The following CACNA1E variants were observed in gnomAD, a reference collection of about 807,000 sequenced individuals.
The protein encoded by CACNA1E is calcium voltage-gated channel subunit alpha1 E.
Under a neutral mutation model 259.2 loss-of-function variants are expected in CACNA1E, and 40 were observed. The observed-to-expected ratio is 0.15, with a 90% CI of 0.12 to 0.20. The LOEUF (loss-of-function observed/expected upper bound fraction) is 0.20, where lower values mean the gene tolerates loss of function less well. Among genes scored for constraint, CACNA1E ranks in the 10% least tolerant of loss-of-function variants. CACNA1E has a pLI of 1.00. For missense variants in CACNA1E, 1,874 were observed against 3,040.1 expected, an observed-to-expected ratio of 0.62 and a Z score of 9.02; for synonymous variants, 1,104 against 1,138.5, an observed-to-expected ratio of 0.97 and a Z score of 0.61.
At chr1:181,725,773 G>A (rs1003571175) in intron 17 of CACNA1E, among the ~76,000 whole-genome samples, 6 of 152,242 alleles carry the variant, frequency 3.9e-5, no homozygotes, top group Non-Finnish European at 7.3e-5. Flanking sequence ...CTGAGGGCTA[G>A]GGGTTGGGGT....
intron 3 of CACNA1E, among the ~76,000 whole-genome samples, chr1:181,535,604 T>A (rs917068304): frequency 5.9e-5 from 9 of 152,188 alleles, no homozygotes; most frequent in African/African-American, 2.2e-4. Flanking sequence ...CACATATAGA[T>A]GATTACCTTT....
At chr1:181,467,494 A>T (rs1020845931) in intron 2 of CACNA1E, among the ~76,000 whole-genome samples, 22 of 152,134 alleles carry the variant, frequency 1.4e-4, no homozygotes, top group African/African-American at 5.3e-4. Context: ...AATCTAGTTG[A>T]TAAGCCTTAA....
chr1:181,679,337 A>G (rs922556643), intron 7 of CACNA1E, among the ~76,000 whole-genome samples: 5 of 152,184 alleles, frequency 3.3e-5, no homozygotes, highest in Admixed American at 3.3e-4. Flanking sequence ...ATCCCCAGTT[A>G]GTAAATTGGG....
rs147088185 is a variant in CACNA1E at position 181,377,795 on chromosome 1, A to T, written c.-14-35338A>T. Among the ~76,000 whole-genome samples the T allele has an allele frequency of 7.4e-3, 1,123 of 152,358 alleles. 9 individuals carry two copies. The highest frequency in any genetic ancestry group is 0.016 in the African/African-American group (666 of 41,586). On this transcript the variant is annotated intron_variant, in intron 1 of 11. Transcript: ENST00000524607. ...TAAAAAATGAATGCATAATGAGGTT[A>T]AATGACTTGCCCAAGATCATATAGC...
chr1:181,580,849 C>A (rs1572272749), intron 6 of CACNA1E, 73 bp downstream of exon 6: 1 of 1,414,832 alleles, frequency 7.1e-7, no homozygotes, highest in African/African-American at 1.4e-5. Flanking sequence ...GTTGTTTGGC[C>A]TGGCTAGTCC....
upstream of CACNA1E, among the ~76,000 whole-genome samples, chr1:181,479,551 C>A (rs494076): frequency 5.9e-3 from 893 of 152,252 alleles, 4 homozygotes; most frequent in African/African-American, 0.02. Flanking sequence ...CATATGAAGT[C>A]ATGCAATACC....
At chr1:181,323,767 C>T (rs1052349219) in intron 1 of CACNA1E, among the ~76,000 whole-genome samples, 2 of 152,216 alleles carry the variant, frequency 1.3e-5, no homozygotes, top group African/African-American at 4.8e-5. Flanking sequence ...AAAAAAGTTC[C>T]ACCCTTTCCT....
At chr1:181,697,426 G>A (rs1033349612) in intron 7 of CACNA1E, among the ~76,000 whole-genome samples, 1 of 152,222 alleles carries the variant, frequency 6.6e-6, no homozygotes, top group Non-Finnish European at 1.5e-5. Flanking sequence ...AATCAAAGCA[G>A]ATAGTGCTTA....
At chr1:181,640,919 A>C (rs981941610) in intron 6 of CACNA1E, among the ~76,000 whole-genome samples, 1 of 152,244 alleles carries the variant, frequency 6.6e-6, no homozygotes, top group Admixed American at 6.5e-5. Flanking sequence ...GTCTTTAAGA[A>C]ACATTCAGCC....
chr1:181,693,188 CTTATACTCTG>C (rs1404817870), intron 7 of CACNA1E, among the ~76,000 whole-genome samples: 4 of 147,144 alleles, frequency 2.7e-5, no homozygotes. Context: ...GAAGGGAATG[CTTATACTCTG>C]TTGGTGGTAA....
In CACNA1E at chr1:181,799,058, T is replaced by G. The variant is rs899529011; in HGVS notation, c.*224T>G. On this transcript the variant is annotated 3_prime_UTR_variant, in exon 48 of 48. Coordinates refer to ENST00000367573, the MANE Select transcript of CACNA1E (RefSeq NM_001205293.3). Reference sequence around the variant, plus strand: ...ATGGGCACTGCCATAGTTCTGCCTCTTTGCTGGGGAAAGAAACCAGGAACG... The same window carrying G: ...ATGGGCACTGCCATAGTTCTGCCTCGTTGCTGGGGAAAGAAACCAGGAACG... 7.0e-6 allele frequency: 3 copies of G among 426,920 alleles called. No individual in the cohort carries two copies. Among genetic ancestry groups the G allele is most frequent in the Non-Finnish European group, 1.2e-5 (3 of 243,862 alleles). 26.4% of individuals were successfully genotyped at this position (426,920 alleles called of 1,614,324 possible). A position where few individuals can be genotyped will look rare whatever the true frequency, so the allele number is the denominator to read the frequency against.
intron 8 of CACNA1E, among the ~76,000 whole-genome samples, chr1:181,711,961 A>G (rs1558294063): frequency 6.6e-6 from 1 of 152,204 alleles, no homozygotes; most frequent in Non-Finnish European, 1.5e-5. Context: ...AGAATAGACC[A>G]TAGAAGGATA....
At chr1:181,358,473 A>G (rs749912433) in intron 1 of CACNA1E, among the ~76,000 whole-genome samples, 24 of 152,248 alleles carry the variant, frequency 1.6e-4, no homozygotes, top group Non-Finnish European at 2.5e-4. Flanking sequence ...TATTCAATGT[A>G]TAATCTTATG....
intron 1 of CACNA1E, among the ~76,000 whole-genome samples, chr1:181,379,970 A>G (rs951598313): frequency 6.8e-5 from 10 of 147,840 alleles, no homozygotes; most frequent in African/African-American, 1.7e-4. Flanking sequence ...CATAAGATAT[A>G]TATATATATA....
At chr1:181,757,876 C>T in intron 30 of CACNA1E, 71 bp from the exon 31 acceptor site, 1 of 1,527,070 alleles carries the variant, frequency 6.5e-7, no homozygotes, top group Non-Finnish European at 9.0e-7. Context: ...CTCTTCTGAG[C>T]ATGGAACAGA....
intron 6 of CACNA1E, among the ~76,000 whole-genome samples, chr1:181,616,559 C>G (rs767593074): frequency 6.6e-6 from 1 of 151,930 alleles, no homozygotes; most frequent in Non-Finnish European, 1.5e-5. Context: ...AAAAAAATTA[C>G]GAAAATTAGC....
intron 6 of CACNA1E, among the ~76,000 whole-genome samples, chr1:181,590,227 C>T (rs1652490721): frequency 6.6e-6 from 1 of 151,712 alleles, no homozygotes; most frequent in African/African-American, 2.4e-5. Flanking sequence ...GATCTTTTCT[C>T]CTTTAAGGTG....
At chr1:181,753,055 C>T (rs1366733812) in intron 27 of CACNA1E, among the ~76,000 whole-genome samples, 1 of 152,222 alleles carries the variant, frequency 6.6e-6, no homozygotes, top group African/African-American at 2.4e-5. Flanking sequence ...GACAGCAAGG[C>T]ACTGCCAGGG....
intron 22 of CACNA1E, among the ~76,000 whole-genome samples, chr1:181,737,186 T>C (rs1656122456): frequency 6.6e-6 from 1 of 152,256 alleles, no homozygotes. Context: ...TGTCCCAGTT[T>C]CCTTTCAGTG....
Sources: allele counts gnomAD v4.1 joint callset (sites outside exome capture counted in the v4.1 genomes callset), GRCh38; gene constraint gnomAD v4.1.1; transcripts MANE v1.5; gene names NCBI Gene and HGNC (gene_info 2026-07-23, HGNC 2026-07-21).